PTPRD: variants seen among roughly 807,000 people sequenced by gnomAD.
PTPRD encodes receptor-type tyrosine-protein phosphatase delta.
Under a neutral mutation model 214.5 loss-of-function variants are expected in PTPRD, and 34 were observed. The ratio of observed to expected loss-of-function variants is 0.16; its 90% CI spans 0.12 to 0.21. The LOEUF (loss-of-function observed/expected upper bound fraction) is 0.21. Among genes scored for constraint, PTPRD ranks in the 10% least tolerant of loss-of-function variants. The pLI, the probability that PTPRD is intolerant of heterozygous loss-of-function variation, is 1.00. For synonymous variants in PTPRD, 1,128 were observed against 845.7 expected, an observed-to-expected ratio of 1.33 and a Z score of -5.79; for missense variants, 2,545 against 2,398.7, an observed-to-expected ratio of 1.06 and a Z score of -1.27.
At chr9:10,578,174 T>C (rs1362191720) in intron 2 of PTPRD, among the ~76,000 whole-genome samples, 1 of 152,096 alleles carries the variant, frequency 6.6e-6, no homozygotes, top group Non-Finnish European at 1.5e-5. Context: ...CCTCCCAAAG[T>C]GCTGAGATTA....
intron 4 of PTPRD, among the ~76,000 whole-genome samples, chr9:9,997,490 AGTTGGTCAGGCTG>A: frequency 6.6e-6 from 1 of 151,976 alleles, no homozygotes; most frequent in Admixed American, 6.6e-5. Flanking sequence ...GGTTTTTCCA[AGTTGGTCAGGCTG>A]GTCTTGAACT....
chr9:8,656,559 A>G (rs978976792), intron 12 of PTPRD, among the ~76,000 whole-genome samples: 7 of 152,178 alleles, frequency 4.6e-5, no homozygotes, highest in Non-Finnish European at 1.0e-4. Flanking sequence ...GGTCAAATAC[A>G]TTATACAATT....
rs1017486173 is a variant in PTPRD, at chr9:10,294,605, A to T, written c.-545+46358T>A. On this transcript the variant is annotated intron_variant, in intron 3 of 45. Coordinates refer to ENST00000381196, the MANE Select transcript of PTPRD (RefSeq NM_002839.4). ...ATTTCTCTGGACATTTTCTTATCTC[A>T]TTAGAAAATTCTAAATATTTATAGT... Among the ~76,000 whole-genome samples the T allele has an allele frequency of 4.6e-5, 7 of 151,870 alleles. No homozygotes were observed. In the South Asian group the frequency reaches 1.4e-3, roughly 31 times the overall value.
intron 5 of PTPRD, among the ~76,000 whole-genome samples, chr9:9,889,818 T>G (rs1237818637): frequency 6.6e-6 from 1 of 151,854 alleles, no homozygotes; most frequent in Admixed American, 6.6e-5. Flanking sequence ...TGTGTATGTG[T>G]GTGTGTGTGT....
intron 9 of PTPRD, among the ~76,000 whole-genome samples, chr9:9,324,056 A>G (rs1246007400): frequency 3.3e-5 from 5 of 152,298 alleles, no homozygotes; most frequent in African/African-American, 1.2e-4. Context: ...TCCATGTAGT[A>G]TATGTGCCAC....
At chr9:9,782,323 G>A (rs1597656289) in intron 5 of PTPRD, among the ~76,000 whole-genome samples, 1 of 152,052 alleles carries the variant, frequency 6.6e-6, no homozygotes, top group Non-Finnish European at 1.5e-5. Flanking sequence ...ATGCCGATGA[G>A]ATTAAGATTT....
chr9:9,251,591 T>A (rs1182286324), intron 9 of PTPRD, among the ~76,000 whole-genome samples: 1 of 152,102 alleles, frequency 6.6e-6, no homozygotes, highest in Non-Finnish European at 1.5e-5. Context: ...TTTGGTATAT[T>A]TTTTCATTAC....
At chr9:9,388,046 G>A (rs1033575983) in intron 9 of PTPRD, among the ~76,000 whole-genome samples, 12 of 152,024 alleles carry the variant, frequency 7.9e-5, no homozygotes, top group African/African-American at 2.4e-4. Context: ...TGGAAGAATT[G>A]GATCACACGT....
intron 9 of PTPRD, among the ~76,000 whole-genome samples, chr9:9,318,854 G>A (rs1007786754): frequency 1.3e-5 from 2 of 152,148 alleles, no homozygotes; most frequent in Non-Finnish European, 2.9e-5. Flanking sequence ...GATAATCAAA[G>A]TGGATAAACT....
intron 11 of PTPRD, among the ~76,000 whole-genome samples, chr9:8,801,749 A>C (rs1477837183): frequency 2.0e-5 from 3 of 152,204 alleles, no homozygotes; most frequent in African/African-American, 7.2e-5. Flanking sequence ...ATATTTTAAA[A>C]GTGTACAGGA....
chr9:8,639,660 A>C (rs78289929), intron 12 of PTPRD, among the ~76,000 whole-genome samples: 1 of 152,238 alleles, frequency 6.6e-6, no homozygotes, highest in African/African-American at 2.4e-5. Context: ...AGAATGAAGA[A>C]GAGTTGGCAA....
chr9:10,480,410 A>C (rs1220925120), intron 2 of PTPRD, among the ~76,000 whole-genome samples: 4 of 152,186 alleles, frequency 2.6e-5, no homozygotes, highest in Non-Finnish European at 5.9e-5. Flanking sequence ...GAAGAAAGTA[A>C]GTATTATAAG....
At chr9:8,647,302 T>C (rs977290932) in intron 12 of PTPRD, among the ~76,000 whole-genome samples, 3 of 152,246 alleles carry the variant, frequency 2.0e-5, no homozygotes, top group Non-Finnish European at 4.4e-5. Context: ...TTATTATAAA[T>C]TAGAAAATGT....
At chr9:9,133,223 C>G (rs1375593401) in intron 10 of PTPRD, among the ~76,000 whole-genome samples, 1 of 152,110 alleles carries the variant, frequency 6.6e-6, no homozygotes, top group East Asian at 1.9e-4. Context: ...AGAGGTAGGG[C>G]AGGTGTTGGC....
At chr9:10,304,214 C>A (rs911585817) in intron 3 of PTPRD, among the ~76,000 whole-genome samples, 4 of 152,242 alleles carry the variant, frequency 2.6e-5, no homozygotes, top group South Asian at 4.1e-4. Context: ...AATTCAACAG[C>A]CCTTCATGCA....
chr9:9,620,056 G>C (rs2095151479), intron 7 of PTPRD, among the ~76,000 whole-genome samples: 2 of 151,950 alleles, frequency 1.3e-5, no homozygotes, highest in Non-Finnish European at 1.5e-5. Context: ...TGTTAACCTT[G>C]TATGGTTTTC....
intron 5 of PTPRD, among the ~76,000 whole-genome samples, chr9:9,932,107 T>TA (rs1484554195): frequency 6.7e-6 from 1 of 148,180 alleles, no homozygotes; most frequent in African/African-American, 2.6e-5. Context: ...CAAAAGTAGA[T>TA]AAAACCACAA....
chr9:8,731,967 G>A (rs996580558), intron 12 of PTPRD, among the ~76,000 whole-genome samples: 12 of 152,116 alleles, frequency 7.9e-5, no homozygotes, highest in Non-Finnish European at 1.8e-4. Flanking sequence ...GACATCTTAA[G>A]GTTGAAAGCT....
At chr9:10,064,963 G>A (rs1343334122) in intron 3 of PTPRD, among the ~76,000 whole-genome samples, 1 of 151,864 alleles carries the variant, frequency 6.6e-6, no homozygotes, top group East Asian at 1.9e-4. Context: ...AAAATTTCCA[G>A]TCTATTCAGT....
Sources: allele counts gnomAD v4.1 joint callset (sites outside exome capture counted in the v4.1 genomes callset), GRCh38; gene constraint gnomAD v4.1.1; transcripts MANE v1.5; gene names NCBI Gene and HGNC (gene_info 2026-07-23, HGNC 2026-07-21).